The following SNTB1 variants were observed in gnomAD, a reference collection of about 807,000 sequenced individuals.
The protein encoded by SNTB1 is syntrophin beta 1, also known as beta-1-syntrophin.
In SNTB1, 36 loss-of-function variants were observed where a neutral mutation model predicts 48.9. The ratio of observed to expected loss-of-function variants is 0.74; its 90% CI spans 0.56 to 0.97. SNTB1 has a LOEUF of 0.97. Ranked by LOEUF, SNTB1 falls within the 50% of genes least tolerant of loss-of-function variation. SNTB1 has a pLI of 0.00. For missense variants in SNTB1, 786 were observed against 703.4 expected, an observed-to-expected ratio of 1.12 and a Z score of -1.33; for synonymous variants, 299 against 294.6, an observed-to-expected ratio of 1.01 and a Z score of -0.15.
At chr8:120,541,464 C>T (rs1437903477) in intron 6 of SNTB1, among the ~76,000 whole-genome samples, 3 of 152,168 alleles carry the variant, frequency 2.0e-5, no homozygotes, top group Non-Finnish European at 4.4e-5. Context: ...GCATCCCTAA[C>T]GTCTAGCACA....
At chr8:120,706,482 A>G (rs6989032) in intron 1 of SNTB1, among the ~76,000 whole-genome samples, 23,423 of 152,124 alleles carry the variant, frequency 0.15, 2,471 homozygotes, top group African/African-American at 0.31. Flanking sequence ...TCAGATATTA[A>G]TAAGTACTGA....
intron 1 of SNTB1, among the ~76,000 whole-genome samples, chr8:120,695,195 T>C (rs190920556): frequency 1.3e-5 from 2 of 152,314 alleles, no homozygotes. Context: ...TGGCAGTGAA[T>C]TGGAATGAGA....
At chr8:120,748,486 T>C (rs966948394) in intron 1 of SNTB1, among the ~76,000 whole-genome samples, 6 of 152,172 alleles carry the variant, frequency 3.9e-5, no homozygotes, top group Admixed American at 3.9e-4. Context: ...GGTGAAGTGA[T>C]TTGCTGTCTG....
At chr8:120,614,168 C>T (rs1441705295) in intron 3 of SNTB1, among the ~76,000 whole-genome samples, 2 of 152,170 alleles carry the variant, frequency 1.3e-5, no homozygotes, top group South Asian at 2.1e-4. Context: ...CAGTGCAATA[C>T]AGTGCAAAGT....
intron 3 of SNTB1, among the ~76,000 whole-genome samples, chr8:120,598,240 A>G (rs1563827794): frequency 1.3e-5 from 2 of 152,152 alleles, no homozygotes; most frequent in Non-Finnish European, 2.9e-5. Context: ...ATTCTTCTCA[A>G]GGGAACTCAG....
At chr8:120,579,102 G>A (rs562624127) in intron 3 of SNTB1, among the ~76,000 whole-genome samples, 45 of 152,220 alleles carry the variant, frequency 3.0e-4, no homozygotes, top group African/African-American at 8.4e-4. Flanking sequence ...ACTTGAACCC[G>A]GGAGGCAGAG....
chr8:120,537,869 CA>C lies in SNTB1; in HGVS notation c.*1007del, dbSNP rs1055174692. The stretch of plus-strand genomic sequence containing the variant: ...CATTCAGTCTATATGTAAAACCCAG[CA>C]TTATCCAGAATTAAATGAGGCTGCT... On this transcript the variant is annotated 3_prime_UTR_variant, in exon 7 of 7. Transcript: ENST00000517992. 1 of 152,194 alleles carries C rather than the reference CA, an allele frequency of 6.6e-6. No individual in the cohort carries two copies. The highest frequency in any genetic ancestry group is 2.4e-5 in the African/African-American group (1 of 41,452). 9.4% of individuals were successfully genotyped at this position (152,194 alleles called of 1,614,324 possible).
chr8:120,553,280 T>C (rs1815512886), intron 4 of SNTB1, among the ~76,000 whole-genome samples: 3 of 152,242 alleles, frequency 2.0e-5, no homozygotes, highest in African/African-American at 7.2e-5. Context: ...CTAACATTTA[T>C]ATTAAAGAAC....
At chr8:120,775,738 GGAAGGAAGGAAGGAAGGAAA>G (rs1274776767) in intron 1 of SNTB1, among the ~76,000 whole-genome samples, 6 of 149,290 alleles carry the variant, frequency 4.0e-5, no homozygotes, top group South Asian at 2.1e-4. Context: ...AAGGAAGGAA[GGAAGGAAGGAAGGAAGGAAA>G]GAAGGAAAGA....
At chr8:120,596,777 T>G (rs1489446488) in intron 3 of SNTB1, among the ~76,000 whole-genome samples, 2 of 152,220 alleles carry the variant, frequency 1.3e-5, no homozygotes, top group Non-Finnish European at 2.9e-5. Context: ...TCTTTCTCTG[T>G]GCTCTCTCTG....
chr8:120,756,101 C>G (rs531550967), intron 1 of SNTB1, among the ~76,000 whole-genome samples: 1 of 152,278 alleles, frequency 6.6e-6, no homozygotes, highest in South Asian at 2.1e-4. Flanking sequence ...GATGACCTTC[C>G]CTTCTGTGAA....
At chr8:120,613,405 A>C (rs1816658643) in intron 3 of SNTB1, among the ~76,000 whole-genome samples, 2 of 151,926 alleles carry the variant, frequency 1.3e-5, no homozygotes, top group Admixed American at 1.3e-4. Context: ...TAGTTACTAG[A>C]AGCTGGGAAA....
chr8:120,704,586 G>T (rs1439221142), intron 1 of SNTB1, among the ~76,000 whole-genome samples: 1 of 152,018 alleles, frequency 6.6e-6, no homozygotes, highest in Non-Finnish European at 1.5e-5. Context: ...AAAGAGGCTG[G>T]AACTACCGAG....
intron 1 of SNTB1, among the ~76,000 whole-genome samples, chr8:120,761,755 C>T (rs564092870): frequency 2.0e-5 from 3 of 152,120 alleles, no homozygotes; most frequent in Non-Finnish European, 4.4e-5. Context: ...GTCATCACTT[C>T]CCAGACATTT....
chr8:120,811,133 C>A (rs1016901189), intron 1 of SNTB1, 140 bp downstream of exon 1: 27 of 1,122,026 alleles, frequency 2.4e-5, no homozygotes, highest in African/African-American at 8.0e-5. Flanking sequence ...GCCACCCTTC[C>A]CCCCCCCCCA....
intron 1 of SNTB1, among the ~76,000 whole-genome samples, chr8:120,762,520 G>A (rs1039317318): frequency 2.0e-5 from 3 of 152,152 alleles, no homozygotes; most frequent in Non-Finnish European, 4.4e-5. Flanking sequence ...GTTTGGGTTC[G>A]GAGGGTAGGG....
At chr8:120,679,330 CA>C (rs1002914687) in intron 2 of SNTB1, among the ~76,000 whole-genome samples, 1 of 152,122 alleles carries the variant, frequency 6.6e-6, no homozygotes, top group Admixed American at 6.5e-5. Context: ...GTAAGGAACA[CA>C]AAACTCTCAA....
intron 1 of SNTB1, among the ~76,000 whole-genome samples, chr8:120,798,977 G>T (rs998860954): frequency 2.0e-5 from 3 of 152,002 alleles, no homozygotes; most frequent in South Asian, 2.1e-4. Context: ...GCATCTTTTT[G>T]TTGGGAGTAC....
intron 3 of SNTB1, among the ~76,000 whole-genome samples, chr8:120,580,114 T>C (rs938716534): frequency 1.1e-4 from 16 of 152,236 alleles, no homozygotes; most frequent in African/African-American, 3.9e-4. Context: ...CTGGAACTGC[T>C]TCAGCTACTG....
Sources: allele counts gnomAD v4.1 joint callset (sites outside exome capture counted in the v4.1 genomes callset), GRCh38; gene constraint gnomAD v4.1.1; transcripts MANE v1.5; gene names NCBI Gene and HGNC (gene_info 2026-07-23, HGNC 2026-07-21).